PCDHA9: variants seen among roughly 807,000 people sequenced by gnomAD.
PCDHA9 encodes the protein protocadherin alpha 9.
Under a neutral mutation model 62.0 loss-of-function variants are expected in PCDHA9, and 62 were observed. That is an observed-to-expected ratio of 1.00 (90% CI 0.81 to 1.23). PCDHA9 has a LOEUF of 1.23. PCDHA9 is among the 50% of genes most tolerant of loss of function. The pLI is 0.00. For missense variants in PCDHA9, 1,205 were observed against 1,249.8 expected (o/e 0.96, Z 0.54); for synonymous variants, 557 against 567.6 (o/e 0.98, Z 0.27).
chr5:140,945,539 A>G (rs1233256432), intron 1 of PCDHA9, among the ~76,000 whole-genome samples: 1 of 152,052 alleles, frequency 6.6e-6, no homozygotes, highest in Non-Finnish European at 1.5e-5. Flanking sequence ...AAACATACAA[A>G]CAAAAAAATG....
intron 2 of PCDHA9, chr5:140,982,223 TA>T: frequency 5.2e-6 from 3 of 580,212 alleles, no homozygotes; most frequent in East Asian, 4.0e-5. Context: ...ATGGCGTTAA[TA>T]AAAAACAGAA....
At position 140,974,721 on chromosome 5, in the gene PCDHA9, G is replaced by A. The variant is rs1033117636; in HGVS notation, c.2395-4228G>A. 3.9e-5 allele frequency among the ~76,000 whole-genome samples: 6 copies of A among 152,050 alleles called. No homozygotes were observed. In the East Asian group the frequency reaches 1.2e-3, roughly 29 times the overall value. On this transcript the variant is annotated intron_variant, in intron 1 of 3. Transcript: ENST00000532602. ...TCACCATGTTGTTCAAGCTGCTCTCGAACTCCTGTCTCCACCTTGGCCTCC... is the reference window on the plus strand; with the variant it reads ...TCACCATGTTGTTCAAGCTGCTCTCAAACTCCTGTCTCCACCTTGGCCTCC...
At chr5:140,966,356 C>G (rs1300973653) in intron 1 of PCDHA9, 2 of 400,342 alleles carry the variant, frequency 5.0e-6, no homozygotes, top group Non-Finnish European at 8.8e-6. Flanking sequence ...GGAGATGGGG[C>G]TGGAGAGGCT....
intron 1 of PCDHA9, chr5:140,870,430 G>A: frequency 6.2e-7 from 1 of 1,614,226 alleles, no homozygotes; most frequent in Non-Finnish European, 8.5e-7. Context: ...GGTATCCGTG[G>A]AGGTGGCCGA....
intron 1 of PCDHA9, among the ~76,000 whole-genome samples, chr5:140,915,632 CT>C (rs782761734): frequency 6.2e-5 from 9 of 144,496 alleles, no homozygotes; most frequent in Non-Finnish European, 1.3e-4. Context: ...TTCTGTCTCT[CT>C]CTCTCTCTCT....
intron 3 of PCDHA9, among the ~76,000 whole-genome samples, chr5:140,986,828 G>A (rs1001117075): frequency 3.9e-5 from 6 of 152,146 alleles, no homozygotes; most frequent in Non-Finnish European, 5.9e-5. Flanking sequence ...TTTAGACAAT[G>A]GTTCTCAAAG....
At chr5:140,952,338 CAA>C (rs55931446) in intron 1 of PCDHA9, among the ~76,000 whole-genome samples, 119 of 135,000 alleles carry the variant, frequency 8.8e-4, no homozygotes, top group Admixed American at 1.8e-3. Flanking sequence ...AACTCCATCT[CAA>C]AAAAAAAAAA....
intron 3 of PCDHA9, among the ~76,000 whole-genome samples, chr5:141,006,898 C>A (rs2098293427): frequency 6.6e-6 from 1 of 152,152 alleles, no homozygotes; most frequent in East Asian, 1.9e-4. Context: ...TTTCAGATTT[C>A]TTCAGTTTGG....
chr5:140,854,265 A>C lies in PCDHA9; in HGVS notation c.2394+3376A>C, dbSNP rs2043061448. The C allele has an allele frequency of 6.7e-6, 4 of 593,530 alleles. 1 individual carries two copies. The highest frequency in any genetic ancestry group is 4.0e-5 in the African/African-American group (2 of 49,606). The allele number at this position is 593,530 out of a possible 1,614,324, so 36.8% of individuals were successfully genotyped here. A position where few individuals can be genotyped will look rare whatever the true frequency, so the allele number is the denominator to read the frequency against. ...TATCACTTGGTATAAAATGTACATT[A>C]GTAGAAATTGAGTTTAGTTTTTATT... On this transcript the variant is annotated intron_variant, in intron 1 of 3. Transcript: ENST00000532602.
chr5:140,944,364 T>G (rs1264806074), intron 1 of PCDHA9, among the ~76,000 whole-genome samples: 1 of 152,072 alleles, frequency 6.6e-6, no homozygotes, highest in Non-Finnish European at 1.5e-5. Flanking sequence ...ATTTTTAATT[T>G]TTTATAGAGA....
chr5:140,958,015 C>A (rs573406509), intron 1 of PCDHA9, among the ~76,000 whole-genome samples: 1 of 151,796 alleles, frequency 6.6e-6, no homozygotes, highest in Non-Finnish European at 1.5e-5. Context: ...TTCTATCAGC[C>A]AAGTATACTA....
intron 1 of PCDHA9, among the ~76,000 whole-genome samples, chr5:140,879,173 G>A (rs1010561937): frequency 6.6e-6 from 1 of 152,278 alleles, no homozygotes; most frequent in Non-Finnish European, 1.5e-5. Context: ...AATAAATTAG[G>A]TATCAAGTAA....
At chr5:140,968,236 T>C in intron 1 of PCDHA9, 1 of 1,614,006 alleles carries the variant, frequency 6.2e-7, no homozygotes, top group East Asian at 2.2e-5. Flanking sequence ...TGCTCTGTAC[T>C]GTGCAAGCCA....
intron 1 of PCDHA9, among the ~76,000 whole-genome samples, chr5:140,884,922 T>C (rs1253595342): frequency 6.6e-6 from 1 of 152,246 alleles, no homozygotes; most frequent in African/African-American, 2.4e-5. Context: ...TAGTTCTAAG[T>C]ATTTATCTTG....
At chr5:140,973,272 TC>T (rs1412629943) in intron 1 of PCDHA9, among the ~76,000 whole-genome samples, 1 of 152,134 alleles carries the variant, frequency 6.6e-6, no homozygotes, top group African/African-American at 2.4e-5. Flanking sequence ...TACTTTTATT[TC>T]CCCCAGCACT....
chr5:140,876,481 C>G, intron 1 of PCDHA9: 1 of 1,613,996 alleles, frequency 6.2e-7, no homozygotes, highest in Non-Finnish European at 8.5e-7. Context: ...CAGCATGGTC[C>G]TGGTGGAAGT....
intron 1 of PCDHA9, chr5:140,857,401 G>C: frequency 1.9e-6 from 3 of 1,598,170 alleles, no homozygotes; most frequent in Non-Finnish European, 2.6e-6. Flanking sequence ...ACGACAACGC[G>C]CCTGCGTTCG....
In PCDHA9 at chr5:140,850,233, A is replaced by G; in HGVS notation, c.1738A>G (p.Met580Val). The G allele has an allele frequency of 6.3e-7, 1 of 1,593,908 alleles. No homozygotes were observed. The highest frequency in any genetic ancestry group is 8.6e-7 in the Non-Finnish European group (1 of 1,167,498). ...GGGCACTGACGGCGCAGTGAGCGAGATGGTGCTGCGGTCGGTGGGCGCCGG... is the reference window on the plus strand; with the variant it reads ...GGGCACTGACGGCGCAGTGAGCGAGGTGGTGCTGCGGTCGGTGGGCGCCGG... ...MRGTDGAVSE[M>V]VLRSVGAGVV... Residue 580 changes from methionine to valine, a missense_variant, in exon 1 of 4, where the codon ATG (methionine) becomes GTG (valine). Transcript: ENST00000532602.
chr5:140,929,532 G>T, intron 1 of PCDHA9: 1 of 602,214 alleles, frequency 1.7e-6, no homozygotes, highest in Non-Finnish European at 2.5e-6. Flanking sequence ...TTATTTTTGA[G>T]AAACAAGGGC....
Sources: gnomAD v4.1 joint callset for allele counts (sites outside exome capture counted in the v4.1 genomes callset) on GRCh38, gnomAD v4.1.1 for gene constraint, MANE v1.5 for transcripts, NCBI Gene and HGNC (gene_info 2026-07-23, HGNC 2026-07-21) for gene names.